Variants in IMMT observed in about 807,000 individuals in gnomAD.
IMMT encodes inner membrane mitochondrial protein.
Under a neutral mutation model 92.7 loss-of-function variants are expected in IMMT, and 40 were observed. The observed-to-expected ratio is 0.43, with a 90% CI of 0.34 to 0.56. The LOEUF is 0.56. Ranked by LOEUF, IMMT falls within the 20% of genes least tolerant of loss-of-function variation. The pLI, the probability that IMMT is intolerant of heterozygous loss-of-function variation, is 0.03. For synonymous variants in IMMT, 322 were observed against 336.1 expected (o/e 0.96, Z 0.46); for missense variants, 831 against 912.1 (o/e 0.91, Z 1.14).
intron 11 of IMMT, 56 bp downstream of exon 11, chr2:86,153,504 A>C (rs1675632484): frequency 1.0e-6 from 1 of 993,752 alleles, no homozygotes; most frequent in African/African-American, 1.7e-5. Context: ...AAAAGACTTT[A>C]GTCTCTTAAT....
intron 12 of IMMT, among the ~76,000 whole-genome samples, chr2:86,148,586 T>C (rs983992631): frequency 3.3e-5 from 5 of 152,184 alleles, no homozygotes; most frequent in Admixed American, 6.5e-5. Flanking sequence ...CACTCCAGCC[T>C]GGGCGACAGA....
chr2:86,147,657 C>A (rs1675122608), intron 13 of IMMT, 45 bp downstream of exon 13: 3 of 1,576,410 alleles, frequency 1.9e-6, no homozygotes, highest in South Asian at 1.2e-5. Context: ...GTCTCTTAAT[C>A]CTGTCAGGAA....
chr2:86,148,637 G>T (rs72936339), intron 12 of IMMT, among the ~76,000 whole-genome samples: 2,847 of 151,986 alleles, frequency 0.019, 82 homozygotes, highest in African/African-American at 0.064. Flanking sequence ...AAGAAAATTA[G>T]TAAGTATCTG....
chr2:86,159,786 G>T, intron 8 of IMMT, 115 bp from the exon 9 acceptor site: 1 of 855,182 alleles, frequency 1.2e-6, no homozygotes, highest in South Asian at 2.7e-5. Context: ...TGGGAGCAGT[G>T]GCTGATACCT....
Position 86,181,279 on chromosome 2 carries a change from T to C in IMMT, c.119+20A>G, listed in dbSNP as rs760295668. ...CAGCACACAGTGAAAAGCCTGGTTATAGGGAGACATAATACATACCCAGAG... is the reference window on the plus strand; with the variant it reads ...CAGCACACAGTGAAAAGCCTGGTTACAGGGAGACATAATACATACCCAGAG... On this transcript the variant is annotated intron_variant, in intron 2 of 14. Transcript: ENST00000410111. The C allele has an allele frequency of 2.2e-5, 35 of 1,588,096 alleles. No homozygotes were observed. Among genetic ancestry groups the C allele is most frequent in the Middle Eastern group, 1.7e-4 (1 of 6,024 alleles).
intron 12 of IMMT, 30 bp downstream of exon 12, chr2:86,151,267 A>T: frequency 6.6e-7 from 1 of 1,526,006 alleles, no homozygotes; most frequent in Non-Finnish European, 9.1e-7. Flanking sequence ...GTCACTTTAA[A>T]TGTTAGGCAA....
chr2:86,152,509 C>T (rs1040496152), intron 11 of IMMT, among the ~76,000 whole-genome samples: 1 of 149,828 alleles, frequency 6.7e-6, no homozygotes, highest in Non-Finnish European at 1.5e-5. Flanking sequence ...GCCAATAATC[C>T]CAGCACTTTA....
chr2:86,151,641 A>G, intron 11 of IMMT, 121 bp from the exon 12 acceptor site: 1 of 718,038 alleles, frequency 1.4e-6, no homozygotes, highest in Non-Finnish European at 2.3e-6. Flanking sequence ...CTTAGCTAAC[A>G]TGAAAAGAGA....
chr2:86,167,054 T>C (rs12476750), intron 6 of IMMT, among the ~76,000 whole-genome samples: 139,769 of 148,328 alleles, frequency 0.94, 65,910 homozygotes, highest in East Asian at 1. Flanking sequence ...GCCGAGATCA[T>C]GCCACTGCAC....
intron 6 of IMMT, among the ~76,000 whole-genome samples, chr2:86,168,360 C>T (rs1184399390): frequency 2.0e-5 from 3 of 152,178 alleles, no homozygotes; most frequent in East Asian, 1.9e-4. Context: ...CAGTGGCTCA[C>T]GCCTGTAATC....
At chr2:86,160,628 C>CAAATAACTG (rs1553446869) in intron 8 of IMMT, among the ~76,000 whole-genome samples, 38 of 151,536 alleles carry the variant, frequency 2.5e-4, no homozygotes, top group Non-Finnish European at 4.9e-4. Flanking sequence ...TTTTGAGTGA[C>CAAATAACTG]AAATAACTAT....
chr2:86,178,575 G>A (rs555125008), intron 3 of IMMT, among the ~76,000 whole-genome samples: 8 of 151,604 alleles, frequency 5.3e-5, no homozygotes, highest in Middle Eastern at 3.5e-3. Flanking sequence ...GCAGTGAGCC[G>A]AGATCACATC....
chr2:86,147,558 A>G, intron 13 of IMMT, 144 bp downstream of exon 13: 1 of 640,666 alleles, frequency 1.6e-6, no homozygotes. Context: ...ACACAGGTAC[A>G]CCATTATGTA....
At chr2:86,170,087 A>G (rs1381205113) in intron 6 of IMMT, among the ~76,000 whole-genome samples, 1 of 151,792 alleles carries the variant, frequency 6.6e-6, no homozygotes, top group African/African-American at 2.4e-5. Flanking sequence ...TTAATAAACA[A>G]TTATTTACAA....
intron 6 of IMMT, 57 bp downstream of exon 6, chr2:86,170,692 G>T (rs1472771019): frequency 3.5e-6 from 4 of 1,147,066 alleles, no homozygotes; most frequent in Non-Finnish European, 3.8e-6. Context: ...GATAGTTTAA[G>T]AAGAGAGCAA....
intron 1 of IMMT, among the ~76,000 whole-genome samples, chr2:86,183,862 T>G (rs1465449980): frequency 6.6e-6 from 1 of 152,240 alleles, no homozygotes; most frequent in Non-Finnish European, 1.5e-5. Flanking sequence ...TTTCATGATT[T>G]GGTATTCCAT....
chr2:86,179,376 C>T, intron 3 of IMMT, 57 bp downstream of exon 3: 1 of 1,373,702 alleles, frequency 7.3e-7, no homozygotes, highest in Non-Finnish European at 9.8e-7. Flanking sequence ...AACATGAAAA[C>T]AACTTGCTTT....
At chr2:86,172,968 C>T (rs933681280) in intron 4 of IMMT, among the ~76,000 whole-genome samples, 5 of 152,122 alleles carry the variant, frequency 3.3e-5, no homozygotes, top group Non-Finnish European at 7.3e-5. Flanking sequence ...ATTTCCTCTC[C>T]GCACCCAATC....
intron 1 of IMMT, among the ~76,000 whole-genome samples, chr2:86,190,617 G>C (rs1673056644): frequency 6.6e-6 from 1 of 152,106 alleles, no homozygotes; most frequent in Non-Finnish European, 1.5e-5. Context: ...AAAAACAGAG[G>C]GACCAGAGTT....
Sources: allele counts gnomAD v4.1 joint callset (sites outside exome capture counted in the v4.1 genomes callset), GRCh38; gene constraint gnomAD v4.1.1; transcripts MANE v1.5; gene names NCBI Gene and HGNC (gene_info 2026-07-23, HGNC 2026-07-21).